Variants in PPP6R3 observed in about 807,000 individuals in gnomAD.
The protein encoded by PPP6R3 is serine/threonine-protein phosphatase 6 regulatory subunit 3.
PPP6R3 carries 38 observed loss-of-function variants against 110.7 expected under a neutral mutation model. The observed-to-expected ratio is 0.34, with a 90% CI of 0.26 to 0.45. The LOEUF is 0.45. PPP6R3 is among the 20% of genes least tolerant of loss of function. PPP6R3 has a pLI of 1.00. For missense variants in PPP6R3, 870 were observed against 1,062.4 expected (o/e 0.82, Z 2.52); for synonymous variants, 369 against 373.5 (o/e 0.99, Z 0.14).
chr11:68,496,883 A>G (rs1321625728), intron 1 of PPP6R3, among the ~76,000 whole-genome samples: 4 of 96,908 alleles, frequency 4.1e-5, no homozygotes, highest in African/African-American at 1.6e-4. Context: ...TTTTTTTGAG[A>G]CAGAGTCTTG....
At chr11:68,502,774 G>C (rs1424786317) in intron 1 of PPP6R3, among the ~76,000 whole-genome samples, 2 of 152,162 alleles carry the variant, frequency 1.3e-5, no homozygotes, top group African/African-American at 4.8e-5. Context: ...GGTTGGATGG[G>C]CAGCTTGTGA....
At chr11:68,481,762 A>T (rs2098914960) in intron 1 of PPP6R3, among the ~76,000 whole-genome samples, 1 of 152,102 alleles carries the variant, frequency 6.6e-6, no homozygotes, top group South Asian at 2.1e-4. Context: ...TGCCGTGCTT[A>T]CTCACCTCCA....
chr11:68,475,505 C>T lies in PPP6R3; in HGVS notation c.-158+14678C>T, dbSNP rs1038811725. On this transcript the variant is annotated intron_variant, in intron 1 of 23. Coordinates refer to ENST00000393800, the MANE Select transcript of PPP6R3 (RefSeq NM_001164161.2). ...GAAGGGGCGGCCGAGCAGAGGTGCC[C>T]GCCACCTCCCGGACGGGGCAGCGGC... is the stretch of plus-strand genomic sequence containing the variant. 4.0e-5 allele frequency among the ~76,000 whole-genome samples: 6 copies of T among 151,726 alleles called. No individual in the cohort carries two copies. In the East Asian group the frequency reaches 5.9e-4, roughly 15 times the overall value.
At chr11:68,587,671 A>G (rs772330752) in intron 15 of PPP6R3, 55 of 535,236 alleles carry the variant, frequency 1.0e-4, no homozygotes, top group Non-Finnish European at 1.4e-4. Context: ...ATAATTCACA[A>G]TAGAGGACAG....
intron 3 of PPP6R3, among the ~76,000 whole-genome samples, chr11:68,538,779 CTT>C (rs1294631696): frequency 1.3e-5 from 2 of 152,192 alleles, no homozygotes; most frequent in Non-Finnish European, 2.9e-5. Flanking sequence ...AACATTGACA[CTT>C]TGCATTTAGT....
chr11:68,490,844 C>T (rs1029437420), intron 1 of PPP6R3, among the ~76,000 whole-genome samples: 2 of 152,056 alleles, frequency 1.3e-5, no homozygotes, highest in African/African-American at 4.8e-5. Context: ...TCTTTCTGTT[C>T]TTGCTTGTTG....
chr11:68,535,691 G>A (rs1014783244), intron 2 of PPP6R3, among the ~76,000 whole-genome samples: 4 of 151,502 alleles, frequency 2.6e-5, no homozygotes, highest in Non-Finnish European at 4.4e-5. Context: ...GGCCGGGCAC[G>A]GTAACTCATG....
intron 2 of PPP6R3, among the ~76,000 whole-genome samples, chr11:68,535,833 G>A (rs529099623): frequency 2.6e-5 from 4 of 150,984 alleles, no homozygotes; most frequent in Non-Finnish European, 5.9e-5. Flanking sequence ...TCAGCCGGGT[G>A]TGATGGCATG....
chr11:68,475,194 T>G (rs2098819669), intron 1 of PPP6R3, among the ~76,000 whole-genome samples: 1 of 152,076 alleles, frequency 6.6e-6, no homozygotes, highest in Non-Finnish European at 1.5e-5. Flanking sequence ...TAACCCTGAG[T>G]GGACACAGCA....
At chr11:68,477,735 A>ATATATATATAT (rs1458541567) in intron 1 of PPP6R3, among the ~76,000 whole-genome samples, 4 of 64,162 alleles carry the variant, frequency 6.2e-5, no homozygotes, top group African/African-American at 2.4e-4. Context: ...TCTTAAAAAA[A>ATATATATATAT]AAAAAAATAT....
chr11:68,528,426 G>A (rs1168490505), intron 2 of PPP6R3, among the ~76,000 whole-genome samples: 11 of 33,454 alleles, frequency 3.3e-4, no homozygotes, highest in Non-Finnish European at 5.4e-4. Context: ...GATTTAATTT[G>A]TGTGTGTGGG....
rs183945339 is a variant in PPP6R3 at position 68,517,081 on chromosome 11, T to G, written c.-157-2420T>G. Among the ~76,000 whole-genome samples the G allele has an allele frequency of 3.7e-3, 564 of 152,068 alleles. 6 individuals carry two copies. The highest frequency in any genetic ancestry group is 5.2e-3 in the Non-Finnish European group (352 of 67,986). On this transcript the variant is annotated intron_variant, in intron 1 of 23. Transcript: ENST00000393800. ...ACGGTTTTGAGAATTATTTATCTGATTTCCTCTCTTCTGTTTTTTTGTTCT... is the reference window on the plus strand; with the variant it reads ...ACGGTTTTGAGAATTATTTATCTGAGTTCCTCTCTTCTGTTTTTTTGTTCT...
At chr11:68,566,492 C>G (rs2099471157) in intron 9 of PPP6R3, among the ~76,000 whole-genome samples, 1 of 152,088 alleles carries the variant, frequency 6.6e-6, no homozygotes, top group Non-Finnish European at 1.5e-5. Flanking sequence ...TCCTGAGTAA[C>G]TGGTACTACA....
At chr11:68,560,365 G>A (rs146767325) in intron 8 of PPP6R3, among the ~76,000 whole-genome samples, 3 of 152,320 alleles carry the variant, frequency 2.0e-5, no homozygotes, top group African/African-American at 7.2e-5. Context: ...AGGAATGACT[G>A]TGTGCTATGG....
intron 2 of PPP6R3, among the ~76,000 whole-genome samples, chr11:68,524,261 G>A (rs1293980195): frequency 1.3e-5 from 2 of 152,044 alleles, no homozygotes; most frequent in Non-Finnish European, 2.9e-5. Flanking sequence ...TCATCCTTGG[G>A]TACAGTACAA....
At chr11:68,468,928 AG>A (rs1452112744) in intron 1 of PPP6R3, among the ~76,000 whole-genome samples, 1 of 152,234 alleles carries the variant, frequency 6.6e-6, no homozygotes, top group African/African-American at 2.4e-5. Context: ...CATTTTATAT[AG>A]AATCATTTTT....
intron 23 of PPP6R3, among the ~76,000 whole-genome samples, chr11:68,611,571 T>G: frequency 6.6e-6 from 1 of 152,260 alleles, no homozygotes; most frequent in East Asian, 1.9e-4. Context: ...CATCTGTCCT[T>G]CTTTCCTCTG....
At chr11:68,476,699 T>A (rs994715270) in intron 1 of PPP6R3, among the ~76,000 whole-genome samples, 6 of 152,178 alleles carry the variant, frequency 3.9e-5, no homozygotes, top group Admixed American at 2.0e-4. Flanking sequence ...TATATCTTTT[T>A]AAAATCTTTG....
chr11:68,467,058 A>C (rs1046405347), intron 1 of PPP6R3, among the ~76,000 whole-genome samples: 1 of 152,258 alleles, frequency 6.6e-6, no homozygotes, highest in Non-Finnish European at 1.5e-5. Context: ...GGACATTGTC[A>C]TGTCACAGAC....
Sources: gnomAD v4.1 joint callset for allele counts (sites outside exome capture counted in the v4.1 genomes callset) on GRCh38, gnomAD v4.1.1 for gene constraint, MANE v1.5 for transcripts, NCBI Gene and HGNC (gene_info 2026-07-23, HGNC 2026-07-21) for gene names.